The following RNF150 variants were observed in gnomAD, a reference collection of about 807,000 sequenced individuals.
RNF150 encodes the protein ring finger protein 150.
RNF150 carries 24 observed loss-of-function variants against 39.3 expected under a neutral mutation model. The ratio of observed to expected loss-of-function variants is 0.61; its 90% CI spans 0.44 to 0.86. The LOEUF is 0.86. Ranked by LOEUF, RNF150 falls within the 40% of genes least tolerant of loss-of-function variation. The probability of loss-of-function intolerance (pLI) is 0.00; values close to 1 mark genes in which losing one functional copy is unlikely to be tolerated. For missense variants in RNF150, 502 were observed against 587.8 expected (o/e 0.85, Z 1.51); for synonymous variants, 255 against 227.3 (o/e 1.12, Z -1.10).
At chr4:140,963,480 C>A (rs903111929) in intron 2 of RNF150, among the ~76,000 whole-genome samples, 9 of 151,896 alleles carry the variant, frequency 5.9e-5, no homozygotes, top group African/African-American at 1.9e-4. Flanking sequence ...TATTTTATTA[C>A]AATTAATTTA....
chr4:140,898,444 T>A (rs1730042418), intron 6 of RNF150, among the ~76,000 whole-genome samples: 1 of 152,210 alleles, frequency 6.6e-6, no homozygotes, highest in South Asian at 2.1e-4. Flanking sequence ...CATGTATGTA[T>A]GCGTGCAGTC....
chr4:141,172,011 C>T (rs1397599241), intron 1 of RNF150, among the ~76,000 whole-genome samples: 4 of 152,080 alleles, frequency 2.6e-5, no homozygotes, highest in African/African-American at 4.8e-5. Flanking sequence ...TACATTTGTA[C>T]CTATACATAA....
intron 5 of RNF150, among the ~76,000 whole-genome samples, chr4:140,918,895 A>G (rs1371090074): frequency 6.6e-6 from 1 of 152,218 alleles, no homozygotes; most frequent in East Asian, 1.9e-4. Flanking sequence ...GCAAATCAAT[A>G]ATTCTAATCC....
In RNF150 at chr4:141,150,270, C is replaced by G. The variant is rs543989399; in HGVS notation, c.-6+62524G>C. 5.9e-5 allele frequency among the ~76,000 whole-genome samples: 9 copies of G among 152,302 alleles called. No homozygotes were observed. The South Asian group carries it at 1.7e-3, about 28-fold the overall frequency. ...CAAAACAAAATAATCAGATAATAGC[C>G]ACTTCTTCCATTCAGTTGCCCAGGG... On this transcript the variant is annotated intron_variant, in intron 1 of 7. Transcript: ENST00000420921.
intron 2 of RNF150, among the ~76,000 whole-genome samples, chr4:140,953,951 C>T (rs1016035605): frequency 2.6e-5 from 4 of 152,160 alleles, no homozygotes; most frequent in Non-Finnish European, 5.9e-5. Context: ...AGGCCCTGCT[C>T]AAACTAAGTC....
chr4:141,184,515 C>T (rs926559486), intron 1 of RNF150, among the ~76,000 whole-genome samples: 3 of 152,168 alleles, frequency 2.0e-5, no homozygotes, highest in Admixed American at 1.3e-4. Context: ...AATTAGACCT[C>T]ATTTGTCAAT....
intron 1 of RNF150, among the ~76,000 whole-genome samples, chr4:141,014,130 C>A (rs1735175327): frequency 6.6e-6 from 1 of 152,156 alleles, no homozygotes; most frequent in Admixed American, 6.5e-5. Context: ...GCATCACGTT[C>A]TCTGGATTAA....
At chr4:140,896,708 A>G (rs1729964808) in intron 6 of RNF150, among the ~76,000 whole-genome samples, 1 of 89,702 alleles carries the variant, frequency 1.1e-5, no homozygotes, top group Non-Finnish European at 2.3e-5. Context: ...AAACAAAAAA[A>G]CAAACAAACA....
chr4:141,073,543 A>T (rs1737782788), intron 1 of RNF150, among the ~76,000 whole-genome samples: 1 of 152,174 alleles, frequency 6.6e-6, no homozygotes, highest in Non-Finnish European at 1.5e-5. Context: ...GGAAAGAGGA[A>T]GGACTATGTC....
intron 4 of RNF150, among the ~76,000 whole-genome samples, chr4:140,938,702 G>C (rs1367568567): frequency 6.6e-6 from 1 of 152,136 alleles, no homozygotes; most frequent in Non-Finnish European, 1.5e-5. Context: ...GAGCCTTAGA[G>C]TCTGTGCTTG....
rs368468586 is a variant in RNF150 at position 140,997,368 on chromosome 4, A to G, written c.485-29495T>C. Among the ~76,000 whole-genome samples the G allele has an allele frequency of 2.6e-5, 4 of 152,316 alleles. No homozygotes were observed. The East Asian group carries it at 7.7e-4, about 29-fold the overall frequency. On this transcript the variant is annotated intron_variant, in intron 1 of 6. Coordinates refer to ENST00000515673, the MANE Select transcript of RNF150 (RefSeq NM_020724.2). ...CTAGGTGCGGTGGCTCATGCCTGTAATCCCAGCACTTTGGGAGGCCAAGGC... is the reference window on the plus strand; with the variant it reads ...CTAGGTGCGGTGGCTCATGCCTGTAGTCCCAGCACTTTGGGAGGCCAAGGC...
chr4:141,001,987 G>A (rs920333633), intron 1 of RNF150, among the ~76,000 whole-genome samples: 1 of 151,968 alleles, frequency 6.6e-6, no homozygotes, highest in South Asian at 2.1e-4. Flanking sequence ...AATAACATTT[G>A]TGGAGTAATC....
At chr4:141,004,019 T>C (rs1461719143) in intron 1 of RNF150, among the ~76,000 whole-genome samples, 2 of 152,160 alleles carry the variant, frequency 1.3e-5, no homozygotes, top group East Asian at 3.9e-4. Context: ...AGTCAGATTC[T>C]GAATTCAGTC....
intron 1 of RNF150, among the ~76,000 whole-genome samples, chr4:141,006,965 C>T (rs377297270): frequency 1.2e-3 from 182 of 152,236 alleles, no homozygotes; most frequent in African/African-American, 4.1e-3. Flanking sequence ...GAAAACTACA[C>T]GTCTGGAAAA....
intron 2 of RNF150, among the ~76,000 whole-genome samples, chr4:140,956,546 T>A (rs1242582060): frequency 6.6e-6 from 1 of 152,124 alleles, no homozygotes; most frequent in Non-Finnish European, 1.5e-5. Context: ...AGGTGAGGAA[T>A]CTTAAACTAG....
At chr4:141,085,952 T>C (rs1738346140) in intron 1 of RNF150, among the ~76,000 whole-genome samples, 1 of 151,640 alleles carries the variant, frequency 6.6e-6, no homozygotes, top group Non-Finnish European at 1.5e-5. Context: ...GGAGGGAAGA[T>C]ATATTTAATA....
chr4:141,059,747 C>T (rs935365193), intron 1 of RNF150, among the ~76,000 whole-genome samples: 2 of 151,964 alleles, frequency 1.3e-5, no homozygotes, highest in African/African-American at 4.8e-5. Flanking sequence ...AAAAAAGAAA[C>T]CTTCTATCTA....
chr4:141,045,966 C>A (rs1388996424), intron 1 of RNF150, among the ~76,000 whole-genome samples: 1 of 152,084 alleles, frequency 6.6e-6, no homozygotes, highest in Non-Finnish European at 1.5e-5. Context: ...GAGATTTAGA[C>A]ATGACACACT....
rs887909110 is a variant in RNF150, at chr4:140,920,463, A to C, written c.987+5514T>G. ...GCTCACCATCACTGGCCATCAGAGA[A>C]ATGCAAATCAAAACCACAATGAGAT... On this transcript the variant is annotated intron_variant, in intron 5 of 6. Coordinates refer to ENST00000515673, the MANE Select transcript of RNF150 (RefSeq NM_020724.2). 4.4e-4 allele frequency among the ~76,000 whole-genome samples: 57 copies of C among 130,006 alleles called. 1 individual carries two copies. The highest frequency in any genetic ancestry group is 8.3e-4 in the Non-Finnish European group (50 of 60,600). The allele number at this position is 130,006 out of a possible 152,430, so 85.3% of individuals were successfully genotyped here. A position where few individuals can be genotyped will look rare whatever the true frequency, so the allele number is the denominator to read the frequency against.
Sources: allele counts gnomAD v4.1 joint callset (sites outside exome capture counted in the v4.1 genomes callset), GRCh38; gene constraint gnomAD v4.1.1; transcripts MANE v1.5; gene names NCBI Gene and HGNC (gene_info 2026-07-23, HGNC 2026-07-21).